AGBL1: variants seen among roughly 807,000 people sequenced by gnomAD.
AGBL1 encodes cytosolic carboxypeptidase 4.
AGBL1 carries 130 observed loss-of-function variants against 118.9 expected under a neutral mutation model. The ratio of observed to expected loss-of-function variants is 1.09; its 90% confidence interval spans 0.95 to 1.26. The LOEUF is 1.26. Among genes scored for constraint, AGBL1 ranks in the 50% most tolerant of loss-of-function variants. The probability of loss-of-function intolerance (pLI) is 0.00; values close to 1 mark genes in which losing one functional copy is unlikely to be tolerated. For synonymous variants in AGBL1, 555 were observed against 478.9 expected (o/e 1.16, Z -2.08); for missense variants, 1,584 against 1,298.1 (o/e 1.22, Z -3.38).
chr15:86,349,044 C>G (rs989781727), intron 17 of AGBL1, among the ~76,000 whole-genome samples: 1 of 152,020 alleles, frequency 6.6e-6, no homozygotes, highest in Non-Finnish European at 1.5e-5. Flanking sequence ...GAAAAGATGG[C>G]AATGTGAAGA....
intron 22 of AGBL1, among the ~76,000 whole-genome samples, chr15:86,862,419 C>A (rs956011133): frequency 3.9e-5 from 6 of 152,138 alleles, no homozygotes; most frequent in African/African-American, 1.2e-4. Flanking sequence ...ATCCTTAATT[C>A]AAAGTTAATG....
intron 5 of AGBL1, among the ~76,000 whole-genome samples, chr15:86,159,490 C>T (rs776952487): frequency 7.9e-5 from 12 of 152,104 alleles, no homozygotes; most frequent in Non-Finnish European, 1.6e-4. Flanking sequence ...AAACTTCTGG[C>T]ATGAGTTCTG....
At position 86,604,613 on chromosome 15, in the gene AGBL1, C is replaced by T. The variant is rs961619267; in HGVS notation, c.2994+50076C>T. Reference sequence around the variant, plus strand: ...CTATGTGCCTTACCTTTTAATAATACCTGTACAGTTGGGTTGACATATACC... The same window carrying T: ...CTATGTGCCTTACCTTTTAATAATATCTGTACAGTTGGGTTGACATATACC... On this transcript the variant is annotated intron_variant, in intron 21 of 22. Coordinates refer to ENST00000614907, the MANE Select transcript of AGBL1 (RefSeq NM_001386094.1). Among the ~76,000 whole-genome samples the T allele has an allele frequency of 9.9e-5, 15 of 152,234 alleles. No individual in the cohort carries two copies. The East Asian group carries it at 2.9e-3, about 29-fold the overall frequency.
chr15:86,208,000 T>C (rs550339770), intron 5 of AGBL1, among the ~76,000 whole-genome samples: 1 of 110,926 alleles, frequency 9.0e-6, no homozygotes, highest in South Asian at 4.3e-4. Flanking sequence ...CAATACTTAG[T>C]TTATTGAGAG....
At chr15:86,142,363 A>T (rs939291626) in intron 2 of AGBL1, among the ~76,000 whole-genome samples, 6 of 152,112 alleles carry the variant, frequency 3.9e-5, no homozygotes, top group African/African-American at 1.4e-4. Context: ...TGACCTATTT[A>T]AGAGAGCTGA....
intron 21 of AGBL1, among the ~76,000 whole-genome samples, chr15:86,560,410 A>G (rs2083800181): frequency 1.3e-5 from 2 of 151,790 alleles, no homozygotes; most frequent in South Asian, 2.1e-4. Context: ...TGTCCCTGCA[A>G]CAGTTGGCTG....
intron 22 of AGBL1, among the ~76,000 whole-genome samples, chr15:86,814,918 T>C (rs183679435): frequency 6.6e-6 from 1 of 152,270 alleles, no homozygotes; most frequent in Non-Finnish European, 1.5e-5. Context: ...TCTAACAGAG[T>C]TCCTGCCTTC....
chr15:86,288,466 T>G (rs1388624608), intron 16 of AGBL1, among the ~76,000 whole-genome samples: 1 of 152,186 alleles, frequency 6.6e-6, no homozygotes, highest in African/African-American at 2.4e-5. Context: ...TTTTTTCCAG[T>G]AAGCTTCTTT....
chr15:86,159,701 C>T (rs865857590), intron 5 of AGBL1, among the ~76,000 whole-genome samples: 3 of 151,982 alleles, frequency 2.0e-5, no homozygotes, highest in African/African-American at 4.8e-5. Context: ...AGTGACTCAG[C>T]GAGGACCTTG....
intron 17 of AGBL1, among the ~76,000 whole-genome samples, chr15:86,355,016 G>A (rs983798284): frequency 6.6e-6 from 1 of 152,192 alleles, no homozygotes; most frequent in Non-Finnish European, 1.5e-5. Flanking sequence ...AGAGAATGGG[G>A]ACTTCAGCTC....
chr15:86,163,825 C>T (rs949316950), intron 5 of AGBL1, among the ~76,000 whole-genome samples: 1 of 152,054 alleles, frequency 6.6e-6, no homozygotes, highest in African/African-American at 2.4e-5. Context: ...GAATGAAAGC[C>T]AGAATGTACT....
chr15:86,674,263 T>A lies in AGBL1; in HGVS notation c.2995-10T>A, dbSNP rs1314796261. On this transcript the variant is annotated splice_polypyrimidine_tract_variant and intron_variant, in intron 21 of 22. Transcript: ENST00000614907. ...ACGTTGCCACAGTTAATGCTTTGTT[T>A]AACTGGCAGGGTCTACAGTTTGGTA... 11 of 1,604,002 alleles carry A rather than the reference T, an allele frequency of 6.9e-6. No homozygotes were observed. The highest frequency in any genetic ancestry group is 9.4e-6 in the Non-Finnish European group (11 of 1,173,586).
intron 1 of AGBL1, among the ~76,000 whole-genome samples, chr15:86,085,482 C>T (rs879262389): frequency 3.9e-5 from 6 of 152,286 alleles, no homozygotes; most frequent in African/African-American, 1.2e-4. Context: ...GGTGGAGTTG[C>T]AAGACAGTCA....
At chr15:86,248,344 T>C (rs961653020) in intron 7 of AGBL1, among the ~76,000 whole-genome samples, 2 of 152,164 alleles carry the variant, frequency 1.3e-5, no homozygotes, top group African/African-American at 4.8e-5. Flanking sequence ...AACAATAAAA[T>C]CTTCATTCCA....
At chr15:86,138,658 T>C (rs1597444840) in intron 1 of AGBL1, among the ~76,000 whole-genome samples, 1 of 152,240 alleles carries the variant, frequency 6.6e-6, no homozygotes, top group Non-Finnish European at 1.5e-5. Context: ...TTTTACCTTA[T>C]TAGTTTTCTT....
intron 22 of AGBL1, among the ~76,000 whole-genome samples, chr15:86,892,363 C>A (rs552308099): frequency 1.3e-5 from 2 of 152,222 alleles, no homozygotes; most frequent in South Asian, 4.2e-4. Context: ...GATCATGTAA[C>A]AGAGTTCATG....
At chr15:86,929,992 A>G (rs1482910039) in intron 23 of AGBL1, among the ~76,000 whole-genome samples, 1 of 152,200 alleles carries the variant, frequency 6.6e-6, no homozygotes, top group Admixed American at 6.5e-5. Context: ...GCACATAGGT[A>G]GGTGTGTGTA....
At chr15:86,120,311 G>T in intron 1 of AGBL1, among the ~76,000 whole-genome samples, 1 of 152,132 alleles carries the variant, frequency 6.6e-6, no homozygotes. Flanking sequence ...CACTCTCCTT[G>T]CTCTTAATGC....
At chr15:86,804,189 T>A in intron 22 of AGBL1, among the ~76,000 whole-genome samples, 1 of 152,248 alleles carries the variant, frequency 6.6e-6, no homozygotes, top group Non-Finnish European at 1.5e-5. Context: ...ATAAATTTCA[T>A]TGGAATTCAT....
Sources: allele counts gnomAD v4.1 joint callset (sites outside exome capture counted in the v4.1 genomes callset), GRCh38; gene constraint gnomAD v4.1.1; transcripts MANE v1.5; gene names NCBI Gene and HGNC (gene_info 2026-07-23, HGNC 2026-07-21).